The following STARD13 variants were observed in gnomAD, a reference collection of about 807,000 sequenced individuals.
STARD13 encodes the protein stAR-related lipid transfer protein 13.
A neutral mutation model predicts 106.4 loss-of-function variants in STARD13; 62 were observed. The ratio of observed to expected loss-of-function variants is 0.58; its 90% CI spans 0.48 to 0.72. The LOEUF (loss-of-function observed/expected upper bound fraction) is 0.72, where lower values mean the gene tolerates loss of function less well. STARD13 is among the 30% of genes least tolerant of loss of function. The pLI is 0.00. For missense variants in STARD13, 1,387 were observed against 1,424.0 expected (o/e 0.97, Z 0.42); for synonymous variants, 565 against 553.0 (o/e 1.02, Z -0.31).
At chr13:33,242,495 T>C (rs926029849) in intron 1 of STARD13, among the ~76,000 whole-genome samples, 1 of 152,134 alleles carries the variant, frequency 6.6e-6, no homozygotes, top group African/African-American at 2.4e-5. Flanking sequence ...CCACTAAGGG[T>C]TAAATGGATT....
the STARD13 span, among the ~76,000 whole-genome samples, chr13:33,458,005 T>C: frequency 6.6e-6 from 1 of 152,078 alleles, no homozygotes; most frequent in Non-Finnish European, 1.5e-5. Context: ...CAAGAACAGG[T>C]GGTGAGCATC....
the STARD13 span, among the ~76,000 whole-genome samples, chr13:33,607,188 T>A: frequency 6.6e-6 from 1 of 151,978 alleles, no homozygotes; most frequent in African/African-American, 2.4e-5. Context: ...ATTTTTAATT[T>A]TAAAGCACTG....
chr13:33,518,624 C>G, the STARD13 span, among the ~76,000 whole-genome samples: 1 of 151,954 alleles, frequency 6.6e-6, no homozygotes, highest in Non-Finnish European at 1.5e-5. Flanking sequence ...GAGGTGACAG[C>G]TGTTTGGGGA....
chr13:33,250,741 C>G (rs1001828391), intron 1 of STARD13, among the ~76,000 whole-genome samples: 7 of 152,258 alleles, frequency 4.6e-5, no homozygotes, highest in African/African-American at 1.7e-4. Flanking sequence ...CTCAGTCTGT[C>G]TGTCAACCAG....
rs1873596668 is a variant in STARD13, at chr13:33,105,715, G to A, written c.3225-5C>T. 6 of 1,607,282 alleles carry A rather than the reference G, an allele frequency of 3.7e-6. No homozygotes were observed. Among genetic ancestry groups the A allele is most frequent in the African/African-American group, 1.3e-5 (1 of 74,772 alleles). On this transcript the variant is annotated splice_polypyrimidine_tract_variant and splice_region_variant and intron_variant, in intron 13 of 13. Transcript: ENST00000336934. The stretch of plus-strand genomic sequence containing the variant: ...TACCATTCTGGGGAGTGACCTCTGT[G>A]GGGAAAGAAATCAGAAAGGAAGTGG...
At chr13:33,284,828 T>C (rs1891975511) in intron 1 of STARD13, among the ~76,000 whole-genome samples, 1 of 152,142 alleles carries the variant, frequency 6.6e-6, no homozygotes, top group South Asian at 2.1e-4. Context: ...CAGCTTATAA[T>C]CAATATTCTC....
chr13:33,312,032 C>T (rs1267419454), intron 1 of STARD13, among the ~76,000 whole-genome samples: 4 of 152,172 alleles, frequency 2.6e-5, no homozygotes, highest in Non-Finnish European at 5.9e-5. Flanking sequence ...ATATGCAGTT[C>T]GTGTCAGAAC....
chr13:33,468,584 C>T, the STARD13 span, among the ~76,000 whole-genome samples: 2,211 of 151,978 alleles, frequency 0.015, 19 homozygotes, highest in Non-Finnish European at 0.022. Context: ...CCCCCTCCCC[C>T]ACTCTCTCTC....
intron 1 of STARD13, among the ~76,000 whole-genome samples, chr13:33,262,800 C>A (rs1049862033): frequency 6.6e-6 from 1 of 152,084 alleles, no homozygotes; most frequent in South Asian, 2.1e-4. Context: ...GTAAGCCCTG[C>A]CCCTGGATCC....
chr13:33,384,006 C>T, the STARD13 span, among the ~76,000 whole-genome samples: 3 of 152,058 alleles, frequency 2.0e-5, no homozygotes, highest in African/African-American at 7.2e-5. Context: ...CCAACCAAGA[C>T]AACAGAAGGC....
chr13:33,205,428 G>A (rs1018913832), intron 1 of STARD13, among the ~76,000 whole-genome samples: 1 of 152,122 alleles, frequency 6.6e-6, no homozygotes, highest in Non-Finnish European at 1.5e-5. Flanking sequence ...TGCCAACCTC[G>A]TCAATCTGAA....
At chr13:33,493,728 T>A in the STARD13 span, among the ~76,000 whole-genome samples, 2 of 152,164 alleles carry the variant, frequency 1.3e-5, no homozygotes, top group Admixed American at 6.5e-5. Flanking sequence ...TATAAAACAA[T>A]GCATATCCAA....
the STARD13 span, among the ~76,000 whole-genome samples, chr13:33,421,483 C>T: frequency 6.6e-6 from 1 of 152,140 alleles, no homozygotes; most frequent in Non-Finnish European, 1.5e-5. Flanking sequence ...ATGTCCAGGA[C>T]CAGATGGATT....
chr13:33,295,872 C>T (rs1441000936), intron 1 of STARD13, among the ~76,000 whole-genome samples: 2 of 151,950 alleles, frequency 1.3e-5, no homozygotes, highest in African/African-American at 4.8e-5. Context: ...AAATACTTTC[C>T]TATGTGATAC....
At chr13:33,528,265 T>TATATATATATATATATATATATATATAC in the STARD13 span, among the ~76,000 whole-genome samples, 41 of 131,528 alleles carry the variant, frequency 3.1e-4, no homozygotes, top group African/African-American at 1.2e-3. Flanking sequence ...TACATATATA[T>TATATATATATATATATATATATATATAC]ATATATATAC....
chr13:33,103,149 T>C lies in STARD13; in HGVS notation c.*2444A>G, dbSNP rs1172063911. The C allele has an allele frequency of 2.0e-5, 3 of 152,368 alleles. No individual in the cohort carries two copies. Among genetic ancestry groups the C allele is most frequent in the East Asian group, 1.9e-4 (1 of 5,196 alleles). The allele number at this position is 152,368 out of a possible 1,614,324, so 9.4% of individuals were successfully genotyped here. A position where few individuals can be genotyped will look rare whatever the true frequency, so the allele number is the denominator to read the frequency against. On this transcript the variant is annotated 3_prime_UTR_variant, in exon 14 of 14. Transcript: ENST00000336934. Reference sequence around the variant, plus strand: ...AAATCAACATCTATTTTATAGAAAATAGGAAATATTTAATATATATAAATT... The same window carrying C: ...AAATCAACATCTATTTTATAGAAAACAGGAAATATTTAATATATATAAATT...
chr13:33,113,449 T>G (rs1566533525), intron 8 of STARD13: 3 of 469,382 alleles, frequency 6.4e-6, no homozygotes, highest in Non-Finnish European at 1.3e-5. Flanking sequence ...ATGATGCCAG[T>G]GCTGCACAAT....
At chr13:33,519,301 C>T in the STARD13 span, among the ~76,000 whole-genome samples, 6 of 98,960 alleles carry the variant, frequency 6.1e-5, no homozygotes, top group Non-Finnish European at 9.7e-5. Flanking sequence ...CTTTCTCTCT[C>T]TCTTTCTTTC....
At chr13:33,421,364 T>A in the STARD13 span, among the ~76,000 whole-genome samples, 1 of 152,206 alleles carries the variant, frequency 6.6e-6, no homozygotes, top group Non-Finnish European at 1.5e-5. Context: ...GATAAATTCC[T>A]GGACACATCC....
Sources: gnomAD v4.1 joint callset for allele counts (sites outside exome capture counted in the v4.1 genomes callset) on GRCh38, gnomAD v4.1.1 for gene constraint, MANE v1.5 for transcripts, NCBI Gene and HGNC (gene_info 2026-07-23, HGNC 2026-07-21) for gene names.